The following MXRA7 variants were observed in gnomAD, a reference collection of about 807,000 sequenced individuals.
MXRA7 encodes matrix remodeling associated 7.
MXRA7 carries 18 observed loss-of-function variants against 17.4 expected under a neutral mutation model. The ratio of observed to expected loss-of-function variants is 1.03; its 90% CI spans 0.71 to 1.53. The LOEUF is 1.53. Among genes scored for constraint, MXRA7 ranks in the 40% most tolerant of loss-of-function variants. The probability of loss-of-function intolerance (pLI) is 0.00; values close to 1 mark genes in which losing one functional copy is unlikely to be tolerated. For synonymous variants in MXRA7, 70 were observed against 101.7 expected, an observed-to-expected ratio of 0.69 and a Z score of 1.87; for missense variants, 141 against 209.3, an observed-to-expected ratio of 0.67 and a Z score of 2.01.
chr17:76,710,036 G>C (rs1403020440), intron 1 of MXRA7: 4 of 152,362 alleles, frequency 2.6e-5, no homozygotes, highest in African/African-American at 9.7e-5. Flanking sequence ...AGGACTGCTG[G>C]GATCGGGTGC....
At chr17:76,683,800 C>G in intron 3 of MXRA7, 2 of 1,451,892 alleles carry the variant, frequency 1.4e-6, no homozygotes. Flanking sequence ...CACGTTAGCA[C>G]GCAGTAGAAG....
intron 3 of MXRA7, among the ~76,000 whole-genome samples, chr17:76,683,432 A>G (rs966910506): frequency 1.3e-5 from 2 of 152,210 alleles, no homozygotes; most frequent in African/African-American, 4.8e-5. Context: ...GCTTGGGAGC[A>G]CGGACCGTTC....
At chr17:76,701,911 T>G (rs891191585) in intron 1 of MXRA7, among the ~76,000 whole-genome samples, 1 of 152,170 alleles carries the variant, frequency 6.6e-6, no homozygotes, top group South Asian at 2.1e-4. Flanking sequence ...TTTAACAGTT[T>G]CTGGCAAGTT....
At chr17:76,679,287 C>CAAAAA (rs71158050), downstream of MXRA7, among the ~76,000 whole-genome samples, 5 of 121,708 alleles carry the variant, frequency 4.1e-5, no homozygotes, top group South Asian at 7.8e-4. Context: ...GGCCCTGTCT[C>CAAAAA]AAAAAAAAAA....
At chr17:76,682,663 A>T in intron 3 of MXRA7, among the ~76,000 whole-genome samples, 1 of 152,016 alleles carries the variant, frequency 6.6e-6, no homozygotes. Flanking sequence ...AACCACATGC[A>T]GGGGGGCAGA....
chr17:76,696,721 G>T (rs1452499978), intron 1 of MXRA7, among the ~76,000 whole-genome samples: 1 of 152,218 alleles, frequency 6.6e-6, no homozygotes, highest in Middle Eastern at 3.4e-3. Context: ...CCCAAACTGC[G>T]ATGCTAAAGG....
chr17:76,679,491 TGAAA>T (rs1397821864), downstream of MXRA7: 10 of 589,062 alleles, frequency 1.7e-5, no homozygotes, highest in South Asian at 2.3e-4. Flanking sequence ...GGCATCAAAA[TGAAA>T]GAAAGGTCAA....
intron 1 of MXRA7, among the ~76,000 whole-genome samples, chr17:76,696,662 G>A (rs1259679031): frequency 6.6e-6 from 1 of 152,192 alleles, no homozygotes; most frequent in Non-Finnish European, 1.5e-5. Flanking sequence ...GAAGAGGCAG[G>A]AGGAACTATG....
rs530026006 is a variant in MXRA7, at chr17:76,692,305, G to A, written c.343-4129C>T. Among the ~76,000 whole-genome samples the A allele has an allele frequency of 2.0e-5, 3 of 151,246 alleles. No individual in the cohort carries two copies. The South Asian group carries it at 6.3e-4, about 32-fold the overall frequency. ...TTTCACTCTTGTTGCCCAGGTTGGA[G>A]TGCAATGGTACGATCTTGCCTCACT... On this transcript the variant is annotated intron_variant, in intron 1 of 3. Transcript: ENST00000449428.
intron 1 of MXRA7, among the ~76,000 whole-genome samples, chr17:76,693,979 C>A (rs2076505590): frequency 6.6e-6 from 1 of 152,178 alleles, no homozygotes; most frequent in African/African-American, 2.4e-5. Context: ...GCTCAATTGG[C>A]CATTTATTTT....
At chr17:76,683,964 C>T (rs746785149) in intron 3 of MXRA7, 12 of 1,532,774 alleles carry the variant, frequency 7.8e-6, no homozygotes, top group African/African-American at 4.1e-5. Flanking sequence ...TCATGCCAAG[C>T]GGCAGCATCC....
At chr17:76,688,022 C>A in intron 2 of MXRA7, 91 bp downstream of exon 2, 2 of 1,079,954 alleles carry the variant, frequency 1.9e-6, no homozygotes, top group South Asian at 1.4e-5. Flanking sequence ...CTCCCCTCGG[C>A]ACTCGAACCC....
At chr17:76,675,189 A>T (rs1333906867), downstream of MXRA7, 1 of 152,178 alleles carries the variant, frequency 6.6e-6, no homozygotes, top group Admixed American at 6.5e-5. Flanking sequence ...ACTCAAGTAC[A>T]CGAGTCATTC....
downstream of MXRA7, among the ~76,000 whole-genome samples, chr17:76,678,074 T>C (rs1253166261): frequency 6.6e-6 from 1 of 151,990 alleles, no homozygotes; most frequent in African/African-American, 2.4e-5. Context: ...CAGCTTGAGG[T>C]AGTGCTATGA....
intron 2 of MXRA7, among the ~76,000 whole-genome samples, chr17:76,685,774 G>A (rs887366370): frequency 6.6e-6 from 1 of 152,246 alleles, no homozygotes; most frequent in Non-Finnish European, 1.5e-5. Context: ...GCACATGGAT[G>A]GGTAGGTGGT....
At chr17:76,683,055 A>AC (rs2076329659) in intron 3 of MXRA7, among the ~76,000 whole-genome samples, 1 of 151,880 alleles carries the variant, frequency 6.6e-6, no homozygotes, top group Admixed American at 6.6e-5. Flanking sequence ...TGGCAGTTTC[A>AC]CCCCCAGCCG....
intron 1 of MXRA7, among the ~76,000 whole-genome samples, chr17:76,709,029 G>A (rs1373043677): frequency 6.6e-6 from 1 of 152,148 alleles, no homozygotes; most frequent in Non-Finnish European, 1.5e-5. Flanking sequence ...AAACACCACT[G>A]AACCTATTCC....
In MXRA7 at chr17:76,680,775, C is replaced by G; in HGVS notation, c.*92G>C. The G allele has an allele frequency of 6.5e-7, 1 of 1,545,906 alleles. No individual in the cohort carries two copies. Among genetic ancestry groups the G allele is most frequent in the Non-Finnish European group, 8.7e-7 (1 of 1,146,298 alleles). On this transcript the variant is annotated 3_prime_UTR_variant, in exon 4 of 4. Coordinates refer to ENST00000449428, the MANE Select transcript of MXRA7 (RefSeq NM_198530.4). ...AGGCAGCATGCACCCTGGGAGCCTGCCCAGACTCCTCTCTGGGGTTTCCGT... is the reference window on the plus strand; with the variant it reads ...AGGCAGCATGCACCCTGGGAGCCTGGCCAGACTCCTCTCTGGGGTTTCCGT...
intron 1 of MXRA7, among the ~76,000 whole-genome samples, chr17:76,701,619 G>A (rs1361637544): frequency 6.6e-6 from 1 of 152,032 alleles, no homozygotes; most frequent in Non-Finnish European, 1.5e-5. Context: ...AGCTCTTCCA[G>A]CAGGGCAAAG....
Sources: gnomAD v4.1 joint callset for allele counts (sites outside exome capture counted in the v4.1 genomes callset) on GRCh38, gnomAD v4.1.1 for gene constraint, MANE v1.5 for transcripts, NCBI Gene and HGNC (gene_info 2026-07-23, HGNC 2026-07-21) for gene names.